SAP30BP: variants seen among roughly 807,000 people sequenced by gnomAD.
SAP30BP encodes the protein SAP30-binding protein.
Under a neutral mutation model 46.3 loss-of-function variants are expected in SAP30BP, and 31 were observed. That is an observed-to-expected ratio of 0.67 (90% CI 0.50 to 0.90). The LOEUF (loss-of-function observed/expected upper bound fraction) is 0.90, where lower values mean the gene tolerates loss of function less well. Ranked by LOEUF, SAP30BP falls within the 40% of genes least tolerant of loss-of-function variation. SAP30BP has a pLI of 0.00. For missense variants in SAP30BP, 312 were observed against 391.0 expected, an observed-to-expected ratio of 0.80 and a Z score of 1.70; for synonymous variants, 169 against 144.2, an observed-to-expected ratio of 1.17 and a Z score of -1.23.
At chr17:75,669,134 T>G (rs991262885) in intron 2 of SAP30BP, among the ~76,000 whole-genome samples, 1 of 152,004 alleles carries the variant, frequency 6.6e-6, no homozygotes, top group African/African-American at 2.4e-5. Flanking sequence ...AGTGCAGTGG[T>G]GTGATCATAG....
In SAP30BP at chr17:75,706,118, C is replaced by T; in HGVS notation, c.745+26C>T. 1 of 1,601,170 alleles carries T rather than the reference C, an allele frequency of 6.2e-7. No individual in the cohort carries two copies. The highest frequency in any genetic ancestry group is 1.3e-5 in the African/African-American group (1 of 74,964). ...GTAGATTGCAGAGCTGCCCTGCCTC[C>T]TGCCACACACATGGAGCCAGGGTCT... On this transcript the variant is annotated intron_variant, in intron 10 of 10. Coordinates refer to ENST00000584667, the MANE Select transcript of SAP30BP (RefSeq NM_013260.8). This position sits in a 1 kb window ranked among gnomAD's most constrained non-coding sequence, Gnocchi z 4.6.
At chr17:75,701,133 C>CT (rs1238877153) in intron 5 of SAP30BP, among the ~76,000 whole-genome samples, 1 of 152,298 alleles carries the variant, frequency 6.6e-6, no homozygotes, top group East Asian at 1.9e-4. Context: ...GATTTGGCCT[C>CT]TAACAAGGGG....
intron 3 of SAP30BP, among the ~76,000 whole-genome samples, chr17:75,682,400 G>C (rs1486624674): frequency 3.3e-5 from 5 of 151,918 alleles, no homozygotes; most frequent in Admixed American, 6.6e-5. Context: ...GGTCAGGCTG[G>C]TCTTGAACTC....
intron 8 of SAP30BP, 85 bp from the exon 9 acceptor site, chr17:75,704,671 A>G (rs2060467500): frequency 9.6e-7 from 1 of 1,036,550 alleles, no homozygotes; most frequent in South Asian, 1.3e-5. Flanking sequence ...TAGCCCGCTG[A>G]AAAGAACGCA....
chr17:75,687,338 A>C (rs757431464), intron 3 of SAP30BP, among the ~76,000 whole-genome samples: 1 of 152,184 alleles, frequency 6.6e-6, no homozygotes, highest in Non-Finnish European at 1.5e-5. Context: ...ATGCAGGGCC[A>C]GATGTGGTGG....
chr17:75,692,689 T>A (rs1317626169), intron 3 of SAP30BP: 1 of 177,188 alleles, frequency 5.6e-6, no homozygotes, highest in Non-Finnish European at 1.1e-5. Context: ...TGCTCTCAGG[T>A]TTCTGCAGGA....
chr17:75,697,506 G>A (rs951273268), intron 4 of SAP30BP, among the ~76,000 whole-genome samples: 1 of 152,170 alleles, frequency 6.6e-6, no homozygotes. Context: ...GAAGCACCTC[G>A]TCTCCTGCTC....
intron 4 of SAP30BP, among the ~76,000 whole-genome samples, chr17:75,694,968 A>C (rs980551571): frequency 3.3e-5 from 5 of 152,192 alleles, no homozygotes; most frequent in African/African-American, 1.2e-4. Flanking sequence ...AATTTTGACA[A>C]ATGTGTATAG....
chr17:75,677,457 A>C, intron 3 of SAP30BP, among the ~76,000 whole-genome samples: 1 of 126,112 alleles, frequency 7.9e-6, no homozygotes. Context: ...TTTGGAAACG[A>C]AGTCTCGCTC....
intron 9 of SAP30BP, 199 bp from the exon 10 acceptor site, chr17:75,705,809 G>A (rs1057349159): frequency 1.0e-5 from 11 of 1,068,956 alleles, no homozygotes; most frequent in Non-Finnish European, 1.4e-5. Flanking sequence ...GTACTGTTTG[G>A]AAAGTTCTTT....
chr17:75,686,502 CG>C (rs887092431), intron 3 of SAP30BP, among the ~76,000 whole-genome samples: 37 of 150,948 alleles, frequency 2.5e-4, no homozygotes, highest in African/African-American at 8.3e-4. Flanking sequence ...GGCAACAGAG[CG>C]GGACTCCATC....
At chr17:75,672,459 C>A (rs755796778) in intron 3 of SAP30BP, among the ~76,000 whole-genome samples, 1 of 152,164 alleles carries the variant, frequency 6.6e-6, no homozygotes, top group Non-Finnish European at 1.5e-5. Context: ...GTAGCAATTC[C>A]TATCACATTC....
chr17:75,697,024 G>A (rs549846562), intron 4 of SAP30BP, among the ~76,000 whole-genome samples: 2 of 152,120 alleles, frequency 1.3e-5, no homozygotes, highest in East Asian at 1.9e-4. Flanking sequence ...TGATCCGCCC[G>A]CCTCGGCCTC....
chr17:75,702,610 T>C, intron 6 of SAP30BP, 39 bp downstream of exon 6: 3 of 1,042,656 alleles, frequency 2.9e-6, no homozygotes, highest in Non-Finnish European at 4.5e-6. Context: ...ATTGAGTTAT[T>C]AATGTTGGAC....
chr17:75,672,250 T>C (rs1375201794), intron 3 of SAP30BP: 3 of 233,690 alleles, frequency 1.3e-5, no homozygotes, highest in Non-Finnish European at 1.7e-5. Context: ...TTCTCTTTAG[T>C]CATCTAGAAG....
At chr17:75,693,219 A>T (rs2060265553) in intron 3 of SAP30BP, 2 of 542,430 alleles carry the variant, frequency 3.7e-6, no homozygotes, top group Non-Finnish European at 6.7e-6. Flanking sequence ...TGGAGGAGAG[A>T]CCGGCGTGGG....
intron 4 of SAP30BP, among the ~76,000 whole-genome samples, chr17:75,697,235 G>C (rs537393781): frequency 1.9e-4 from 29 of 152,334 alleles, no homozygotes; most frequent in African/African-American, 7.0e-4. Flanking sequence ...CCAGCCCAGG[G>C]AAGAAGTTAA....
chr17:75,706,286 A>G lies in SAP30BP; in HGVS notation c.746-54A>G, dbSNP rs534500270. On this transcript the variant is annotated intron_variant, in intron 10 of 10. Transcript: ENST00000584667. The surrounding 1 kb of genome is among the most constrained non-coding windows in gnomAD (Gnocchi z 4.6). ...CCCGCTGGCCTGCAGGGGGAAGGGA[A>G]AGAGGGCACCGCTCATTGGTGGATC... is the stretch of plus-strand genomic sequence containing the variant. 405 of 1,579,320 alleles carry G rather than the reference A, an allele frequency of 2.6e-4. No individual in the cohort carries two copies. Among genetic ancestry groups the G allele is most frequent in the Non-Finnish European group, 3.4e-4 (395 of 1,158,168 alleles).
intron 3 of SAP30BP, chr17:75,692,248 G>A: frequency 7.1e-6 from 7 of 985,642 alleles, no homozygotes; most frequent in Non-Finnish European, 8.4e-6. Flanking sequence ...GAACTGGGTG[G>A]CCTTCCTGGC....
Sources: gnomAD v4.1 joint callset for allele counts (sites outside exome capture counted in the v4.1 genomes callset) on GRCh38, gnomAD v4.1.1 for gene constraint, Gnocchi (gnomAD v3.1) non-coding constraint, MANE v1.5 for transcripts, NCBI Gene and HGNC (gene_info 2026-07-23, HGNC 2026-07-21) for gene names.